The following PTPDC1 variants were observed in gnomAD, a reference collection of about 807,000 sequenced individuals.
The protein encoded by PTPDC1 is protein tyrosine phosphatase domain containing 1.
In PTPDC1, 53 loss-of-function variants were observed where a neutral mutation model predicts 75.3. The ratio of observed to expected loss-of-function variants is 0.70; its 90% confidence interval spans 0.56 to 0.88. The LOEUF (loss-of-function observed/expected upper bound fraction) is 0.88, where lower values mean the gene tolerates loss of function less well. Ranked by LOEUF, PTPDC1 falls within the 40% of genes least tolerant of loss-of-function variation. The pLI is 0.00. For synonymous variants in PTPDC1, 349 were observed against 366.2 expected, an observed-to-expected ratio of 0.95 and a Z score of 0.54; for missense variants, 925 against 998.6, an observed-to-expected ratio of 0.93 and a Z score of 0.99.
chr9:94,031,716 C>G (rs1262984864), intron 1 of PTPDC1, among the ~76,000 whole-genome samples: 3 of 152,098 alleles, frequency 2.0e-5, no homozygotes, highest in African/African-American at 7.2e-5. Flanking sequence ...ATACGTTATA[C>G]CTATGTCATT....
chr9:94,069,964 A>G (rs984445692), intron 2 of PTPDC1, among the ~76,000 whole-genome samples: 3 of 151,406 alleles, frequency 2.0e-5, no homozygotes, highest in Non-Finnish European at 2.9e-5. Flanking sequence ...AGCTGGGACT[A>G]CAGGCGCCCG....
intron 2 of PTPDC1, among the ~76,000 whole-genome samples, chr9:94,069,241 C>G (rs377198376): frequency 1.3e-5 from 2 of 152,120 alleles, no homozygotes; most frequent in East Asian, 3.9e-4. Context: ...TTTACGGGTA[C>G]AGTCATCCCT....
chr9:94,051,952 G>C (rs1825804187), intron 1 of PTPDC1, among the ~76,000 whole-genome samples: 1 of 151,982 alleles, frequency 6.6e-6, no homozygotes, highest in Non-Finnish European at 1.5e-5. Flanking sequence ...ATAGGTTATT[G>C]ATTTTAGGTC....
rs369159743 is a variant in PTPDC1, at chr9:94,097,767, C to T, written c.1201C>T (p.Pro401Ser). Residue 401 changes from proline to serine, a missense_variant, in exon 6 of 9, where the codon CCT becomes TCT. Pro to Ser is a moderately conservative substitution (Grantham distance 74, BLOSUM62 -1). Transcript: ENST00000620992. ...GCATGACAGTGATGTGTCCAACCCG[C>T]CTAACCCCACTGCAGTGGCAGCAGA... Reference protein sequence around the residue: ...LRHDSDVSNPPNPTAVAADFD... With the variant: ...LRHDSDVSNPSNPTAVAADFD... The T allele has an allele frequency of 2.2e-5, 36 of 1,613,954 alleles. No homozygotes were observed. The highest frequency in any genetic ancestry group is 3.0e-5 in the Non-Finnish European group (35 of 1,179,936).
chr9:94,048,721 C>A (rs1350193203), intron 1 of PTPDC1, among the ~76,000 whole-genome samples: 1 of 152,180 alleles, frequency 6.6e-6, no homozygotes, highest in Non-Finnish European at 1.5e-5. Context: ...TCTATTAGGT[C>A]TGCTTGGTGC....
chr9:94,041,053 A>T (rs1437151430), intron 1 of PTPDC1, among the ~76,000 whole-genome samples: 3 of 152,152 alleles, frequency 2.0e-5, no homozygotes, highest in Non-Finnish European at 4.4e-5. Context: ...CCCCATGCTG[A>T]CTGATCTCTA....
intron 4 of PTPDC1, among the ~76,000 whole-genome samples, chr9:94,092,932 G>C (rs952402467): frequency 2.7e-5 from 4 of 150,662 alleles, no homozygotes; most frequent in African/African-American, 9.7e-5. Flanking sequence ...TTTTCCATTG[G>C]CTTGGTAGAT....
At chr9:94,085,226 A>G in intron 1 of PTPDC1, 25 bp from the exon 2 acceptor site, 1 of 1,594,206 alleles carries the variant, frequency 6.3e-7, no homozygotes, top group Non-Finnish European at 8.6e-7. Flanking sequence ...GGAATTTTGA[A>G]TTTTCCTTTC....
intron 1 of PTPDC1, among the ~76,000 whole-genome samples, chr9:94,040,140 C>G (rs1293557415): frequency 6.6e-6 from 1 of 152,114 alleles, no homozygotes; most frequent in Non-Finnish European, 1.5e-5. Flanking sequence ...ACTTCTTTAC[C>G]ATGCCAGCTC....
chr9:94,088,028 T>G, intron 3 of PTPDC1, 117 bp downstream of exon 3: 1 of 1,464,304 alleles, frequency 6.8e-7, no homozygotes, highest in Non-Finnish European at 9.4e-7. Flanking sequence ...AAGAGTGTAT[T>G]TCAAATGAGA....
At chr9:94,065,406 G>T (rs1439773275) in intron 2 of PTPDC1, among the ~76,000 whole-genome samples, 1 of 152,222 alleles carries the variant, frequency 6.6e-6, no homozygotes. Flanking sequence ...ATTTCTCTTG[G>T]CAGTACCACT....
upstream of PTPDC1, chr9:94,084,436 A>G (rs1699423905): frequency 6.5e-7 from 1 of 1,543,368 alleles, no homozygotes; most frequent in Non-Finnish European, 8.7e-7. Flanking sequence ...CTTAGATCAT[A>G]CAGAACGATG....
Position 94,085,241 on chromosome 9 carries a change from T to C in PTPDC1, c.245-10T>C, listed in dbSNP as rs1434374591. 3.7e-6 allele frequency: 6 copies of C among 1,608,864 alleles called. No individual in the cohort carries two copies. The East Asian group carries it at 1.3e-4, about 36-fold the overall frequency. ...GGAATTTTGAATTTTCCTTTCCTTATATGTTCTAGGAAATTTAGAACGTCC... is the reference window on the plus strand; with the variant it reads ...GGAATTTTGAATTTTCCTTTCCTTACATGTTCTAGGAAATTTAGAACGTCC... On this transcript the variant is annotated splice_polypyrimidine_tract_variant and intron_variant, in intron 1 of 8. Coordinates refer to ENST00000620992, the MANE Select transcript of PTPDC1 (RefSeq NM_001253829.2).
At chr9:94,080,085 C>T (rs1826825654), upstream of PTPDC1, among the ~76,000 whole-genome samples, 1 of 152,050 alleles carries the variant, frequency 6.6e-6, no homozygotes, top group South Asian at 2.1e-4. Flanking sequence ...CAGGGTGACC[C>T]TACATGGAAT....
intron 1 of PTPDC1, among the ~76,000 whole-genome samples, chr9:94,062,997 G>A (rs189917090): frequency 6.6e-6 from 1 of 152,276 alleles, no homozygotes; most frequent in African/African-American, 2.4e-5. Context: ...TCATCCTCAT[G>A]ACCCCATGGT....
intron 1 of PTPDC1, among the ~76,000 whole-genome samples, chr9:94,032,165 C>T (rs1397639939): frequency 2.6e-5 from 4 of 152,232 alleles, no homozygotes; most frequent in Admixed American, 6.5e-5. Flanking sequence ...AAACCACCCA[C>T]TCATCCTGTT....
chr9:94,086,615 GA>G (rs1288881269), intron 2 of PTPDC1, among the ~76,000 whole-genome samples: 1 of 152,150 alleles, frequency 6.6e-6, no homozygotes, highest in African/African-American at 2.4e-5. Flanking sequence ...AATTTGAACA[GA>G]ACAGAGTGAA....
chr9:94,076,888 GT>G lies in PTPDC1; in HGVS notation c.83-8362del, dbSNP rs376206994. On this transcript the variant is annotated intron_variant, in intron 2 of 9. Coordinates refer to the PTPDC1 transcript ENST00000375360. ...TTGTAGCCATCCTAGTAGGTATGAA[GT>G]GATATTTCATTGTGATTTTAATATG... Among the ~76,000 whole-genome samples, 175 of 152,254 alleles carry G rather than the reference GT, an allele frequency of 1.1e-3. 5 individuals carry two copies. The East Asian group carries it at 0.025, about 21-fold the overall frequency.
chr9:94,088,900 T>C (rs903279334), intron 4 of PTPDC1, among the ~76,000 whole-genome samples: 11 of 152,152 alleles, frequency 7.2e-5, no homozygotes, highest in African/African-American at 2.7e-4. Flanking sequence ...TTATCAGTCA[T>C]TTAGACACAT....
Sources: allele counts gnomAD v4.1 joint callset (sites outside exome capture counted in the v4.1 genomes callset), GRCh38; gene constraint gnomAD v4.1.1; transcripts MANE v1.5; gene names NCBI Gene and HGNC (gene_info 2026-07-23, HGNC 2026-07-21).